Variants in XIRP2 observed in about 807,000 individuals in gnomAD.
The protein encoded by XIRP2 is xin actin binding repeat containing 2, also known as xin actin-binding repeat-containing protein 2.
XIRP2 carries 236 observed loss-of-function variants against 277.0 expected under a neutral mutation model. That is an observed-to-expected ratio of 0.85 (90% CI 0.77 to 0.95). The LOEUF is 0.95. Among genes scored for constraint, XIRP2 ranks in the 40% least tolerant of loss-of-function variants. XIRP2 has a pLI of 0.00. For synonymous variants in XIRP2, 1,490 were observed against 1,416.5 expected (o/e 1.05, Z -1.17); for missense variants, 4,640 against 4,157.5 (o/e 1.12, Z -3.19).
chr2:167,243,679 G>A lies in XIRP2; in HGVS notation c.2287G>A (p.Glu763Lys). ...TAAAACTGTTCACAGAGAAGACGTTGAAAAGGGAGATGTAAGAACAGCACG... is the reference window on the plus strand; with the variant it reads ...TAAAACTGTTCACAGAGAAGACGTTAAAAAGGGAGATGTAAGAACAGCACG... The part of the protein sequence containing the change: ...EIKTVHREDV[E>K]KGDVRTARWM... The change falls in exon 9 of 11, where the codon GAA becomes AAA. Residue 763 changes from glutamate (E) to lysine (K), a missense_variant. Physicochemically the swap from Glu to Lys is moderately conservative, Grantham distance 56. Transcript: ENST00000409195. 6.2e-7 allele frequency: 1 copy of A among 1,614,024 alleles called. No individual in the cohort carries two copies. Among genetic ancestry groups the A allele is most frequent in the Non-Finnish European group, 8.5e-7 (1 of 1,179,952 alleles).
At chr2:167,180,403 T>C (rs1030965492) in intron 3 of XIRP2, among the ~76,000 whole-genome samples, 3 of 152,296 alleles carry the variant, frequency 2.0e-5, no homozygotes. Flanking sequence ...GCTCCTGTGT[T>C]ATGGAAAAAT....
chr2:167,053,336 G>A lies in XIRP2; in HGVS notation c.409-82573G>A, dbSNP rs1427281258. ...ATTTGTAGATATGTGTTGTATATTCGATATATAGCTTAGTTCTTCTTTGAA... is the reference window on the plus strand; with the variant it reads ...ATTTGTAGATATGTGTTGTATATTCAATATATAGCTTAGTTCTTCTTTGAA... On this transcript the variant is annotated intron_variant, in intron 2 of 10. Coordinates refer to ENST00000409195, the MANE Select transcript of XIRP2 (RefSeq NM_152381.6). Among the ~76,000 whole-genome samples, 6 of 151,946 alleles carry A rather than the reference G, an allele frequency of 3.9e-5. No individual in the cohort carries two copies. The East Asian group carries it at 5.8e-4, about 15-fold the overall frequency.
chr2:166,987,208 A>G (rs1194087643), intron 2 of XIRP2, among the ~76,000 whole-genome samples: 1 of 152,224 alleles, frequency 6.6e-6, no homozygotes. Flanking sequence ...GGAATGGAAG[A>G]CTACCTGAGT....
intron 2 of XIRP2, among the ~76,000 whole-genome samples, chr2:166,966,998 C>T (rs145491406): frequency 5.9e-5 from 9 of 152,022 alleles, no homozygotes; most frequent in Non-Finnish European, 1.3e-4. Context: ...GTAGGCACCC[C>T]ATATTTGAGA....
Position 167,243,458 on chromosome 2 carries a change from T to G in XIRP2, c.2066T>G (p.Val689Gly), listed in dbSNP as rs765076104. 6.2e-7 allele frequency: 1 copy of G among 1,614,036 alleles called. No homozygotes were observed. Among genetic ancestry groups the G allele is most frequent in the South Asian group, 1.1e-5 (1 of 91,074 alleles). ...AGTAAGGACATAACTGGGGGGGATG[T>G]CAAGACTGTGAGATACATGTTTGAA... The part of the protein sequence containing the change: ...TISKDITGGD[V>G]KTVRYMFETQ... Residue 689 changes from valine (V) to glycine (G), a missense_variant, in exon 9 of 11, where the codon GTC becomes GGC. By Grantham distance (109) the Val-to-Gly change is moderately radical (BLOSUM62 -3). Coordinates refer to ENST00000409195, the MANE Select transcript of XIRP2 (RefSeq NM_152381.6).
intron 2 of XIRP2, among the ~76,000 whole-genome samples, chr2:167,103,433 C>G (rs1429930): frequency 0.29 from 44,487 of 151,944 alleles, 9,227 homozygotes; most frequent in African/African-American, 0.59. Context: ...TGCTCTTTGG[C>G]TTTGGCTTTT....
rs1691984003 is a variant in XIRP2 at position 167,150,433 on chromosome 2, C to T, written c.562+14371C>T. ...TCAAAAGAAATACTATACATGAGTA[C>T]AATTATCAATGATGGAGGATATTTA... is the stretch of plus-strand genomic sequence containing the variant. On this transcript the variant is annotated intron_variant, in intron 3 of 10. Transcript: ENST00000409195. Among the ~76,000 whole-genome samples the T allele has an allele frequency of 1.3e-5, 2 of 151,622 alleles. 1 individual carries two copies. The highest frequency in any genetic ancestry group is 4.2e-4 in the South Asian group (2 of 4,808).
At chr2:167,138,674 T>C (rs377154117) in intron 3 of XIRP2, among the ~76,000 whole-genome samples, 6 of 152,258 alleles carry the variant, frequency 3.9e-5, no homozygotes, top group African/African-American at 1.4e-4. Context: ...AATCCATAAT[T>C]TGACAAATTT....
chr2:166,928,735 C>A (rs936748025), intron 2 of XIRP2, among the ~76,000 whole-genome samples: 1 of 152,010 alleles, frequency 6.6e-6, no homozygotes, highest in African/African-American at 2.4e-5. Flanking sequence ...ATGCATATTC[C>A]AATGTTCATA....
intron 2 of XIRP2, among the ~76,000 whole-genome samples, chr2:167,078,007 C>T (rs774006994): frequency 4.6e-5 from 7 of 152,058 alleles, no homozygotes; most frequent in Non-Finnish European, 7.4e-5. Context: ...GTTTCTATTT[C>T]TTTGAAAAAT....
chr2:167,113,529 T>A (rs1690818187), intron 2 of XIRP2, among the ~76,000 whole-genome samples: 1 of 152,196 alleles, frequency 6.6e-6, no homozygotes, highest in African/African-American at 2.4e-5. Flanking sequence ...TTTGAGCCTA[T>A]GGATGTCATT....
chr2:167,032,339 AAAAACCCTAG>A (rs2105506687), intron 2 of XIRP2, among the ~76,000 whole-genome samples: 1 of 152,344 alleles, frequency 6.6e-6, no homozygotes, highest in South Asian at 2.1e-4. Context: ...CTAAAACCAT[AAAAACCCTAG>A]AAGAAAACCT....
chr2:167,004,835 C>A (rs1011867129), intron 2 of XIRP2, among the ~76,000 whole-genome samples: 1 of 151,790 alleles, frequency 6.6e-6, no homozygotes, highest in Non-Finnish European at 1.5e-5. Context: ...GGCCAATCCA[C>A]CCATCTAAAA....
intron 2 of XIRP2, among the ~76,000 whole-genome samples, chr2:167,134,048 A>G (rs1487842105): frequency 1.3e-5 from 2 of 152,158 alleles, no homozygotes; most frequent in Non-Finnish European, 2.9e-5. Context: ...GACAGCATAC[A>G]TCATATATTT....
intron 2 of XIRP2, among the ~76,000 whole-genome samples, chr2:167,024,913 C>T (rs1449444782): frequency 1.3e-5 from 2 of 152,224 alleles, no homozygotes; most frequent in South Asian, 2.1e-4. Flanking sequence ...GTCTAAAATT[C>T]TCTTTTGTGG....
chr2:166,902,083 A>T lies in XIRP2; in HGVS notation c.-18-1382A>T, dbSNP rs561626845. On this transcript the variant is annotated intron_variant, in intron 1 of 10. Coordinates refer to ENST00000409195, the MANE Select transcript of XIRP2 (RefSeq NM_152381.6). Reference sequence around the variant, plus strand: ...AGCCATGATGTATATTTTACCAGTGAAGATTTTTCAAGGTCACACGGTTAG... The same window carrying T: ...AGCCATGATGTATATTTTACCAGTGTAGATTTTTCAAGGTCACACGGTTAG... Among the ~76,000 whole-genome samples the T allele has an allele frequency of 2.6e-5, 4 of 152,238 alleles. No individual in the cohort carries two copies. The South Asian group carries it at 6.2e-4, about 24-fold the overall frequency.
At chr2:166,919,823 T>C (rs1684989137) in intron 2 of XIRP2, among the ~76,000 whole-genome samples, 1 of 152,122 alleles carries the variant, frequency 6.6e-6, no homozygotes, top group Non-Finnish European at 1.5e-5. Flanking sequence ...AATGTGTGCA[T>C]GGAAGCAGAC....
At chr2:167,123,536 AG>A (rs1162521607) in intron 2 of XIRP2, among the ~76,000 whole-genome samples, 1 of 152,016 alleles carries the variant, frequency 6.6e-6, no homozygotes, top group Non-Finnish European at 1.5e-5. Context: ...TTGCAGTTTT[AG>A]AGGTTAGAAG....
Position 167,246,954 on chromosome 2 carries a change from G to A in XIRP2, c.5562G>A (p.Gln1854=). 2 of 1,613,426 alleles carry A rather than the reference G, an allele frequency of 1.2e-6. No individual in the cohort carries two copies. The highest frequency in any genetic ancestry group is 2.2e-5 in the South Asian group (2 of 91,060). ...TLNSLSQAVN[Q]KTVTKTEEII... ...ATTCCCTCAGCCAGGCTGTAAATCA[G>A]AAAACAGTGACGAAAACAGAAGAAA... Residue 1854 remains glutamine, a synonymous_variant, in exon 9 of 11, where the codon CAG becomes CAA. Coordinates refer to ENST00000409195, the MANE Select transcript of XIRP2 (RefSeq NM_152381.6).
Sources: gnomAD v4.1 joint callset for allele counts (sites outside exome capture counted in the v4.1 genomes callset) on GRCh38, gnomAD v4.1.1 for gene constraint, MANE v1.5 for transcripts, NCBI Gene and HGNC (gene_info 2026-07-23, HGNC 2026-07-21) for gene names.